The following FAM219A variants were observed in gnomAD, a reference collection of about 807,000 sequenced individuals.
The protein encoded by FAM219A is family with sequence similarity 219 member A, also known as protein FAM219A.
A neutral mutation model predicts 23.4 loss-of-function variants in FAM219A; 7 were observed. That is an observed-to-expected ratio of 0.30 (90% CI 0.17 to 0.56). The LOEUF (loss-of-function observed/expected upper bound fraction) is 0.56. Among genes scored for constraint, FAM219A ranks in the 20% least tolerant of loss-of-function variants. The probability of loss-of-function intolerance (pLI) is 0.92; values close to 1 mark genes in which losing one functional copy is unlikely to be tolerated. For synonymous variants in FAM219A, 93 were observed against 99.0 expected (o/e 0.94, Z 0.36); for missense variants, 166 against 246.9 (o/e 0.67, Z 2.20).
intron 1 of FAM219A, among the ~76,000 whole-genome samples, chr9:34,439,172 C>T (rs1020086873): frequency 3.9e-5 from 6 of 152,210 alleles, no homozygotes; most frequent in East Asian, 3.9e-4. Context: ...ACTCCGGACA[C>T]GCCGCCTTTA....
chr9:34,406,080 C>G (rs12337924), intron 1 of FAM219A, 116 bp from the exon 2 acceptor site: 1 of 1,104,682 alleles, frequency 9.1e-7, no homozygotes, highest in Non-Finnish European at 1.3e-6. Context: ...GCATTCACCC[C>G]TCAGAGCAGG....
intron 1 of FAM219A, among the ~76,000 whole-genome samples, chr9:34,420,237 C>T (rs1822213557): frequency 6.6e-6 from 1 of 152,166 alleles, no homozygotes; most frequent in African/African-American, 2.4e-5. Context: ...GCACACAGAT[C>T]AGCCTATTTA....
In FAM219A at chr9:34,401,010, C is replaced by G; in HGVS notation, c.512G>C (p.Cys171Ser). ...LIPPKSVNPT[C>S]MCCQATSSTA... ...GGAGGACGTGGCCTGGCAGCACATG[C>G]ACGTGGGGTTCACGGACTTGGGGGG... is the stretch of plus-strand genomic sequence containing the variant. The change falls in exon 6 of 6, where the codon TGC (cysteine) becomes TCC (serine). Residue 171 changes from cysteine (C) to serine (S), a missense_variant. Coordinates refer to ENST00000651358, the MANE Select transcript of FAM219A (RefSeq NM_001184940.2). The G allele has an allele frequency of 6.3e-7, 1 of 1,591,262 alleles. No individual in the cohort carries two copies. The highest frequency in any genetic ancestry group is 8.6e-7 in the Non-Finnish European group (1 of 1,166,396).
At position 34,400,991 on chromosome 9, in the gene FAM219A, C is replaced by T. The variant is rs1436705336; in HGVS notation, c.531G>A (p.Thr177=). The part of the protein sequence containing the change: ...VNPTCMCCQA[T]SSTACHIQ ...ACTGAATGTGGCAGGCGGTGGAGGA[C>T]GTGGCCTGGCAGCACATGCACGTGG... is the stretch of plus-strand genomic sequence containing the variant. The change falls in exon 6 of 6, where the codon ACG becomes ACA. Residue 177 remains threonine, a synonymous_variant. Coordinates refer to ENST00000651358, the MANE Select transcript of FAM219A (RefSeq NM_001184940.2). 2.2e-5 allele frequency: 34 copies of T among 1,564,234 alleles called. No individual in the cohort carries two copies. The highest frequency in any genetic ancestry group is 4.7e-5 in the South Asian group (4 of 84,940).
At chr9:34,437,179 ACT>A (rs149294812) in intron 1 of FAM219A, among the ~76,000 whole-genome samples, 1 of 151,420 alleles carries the variant, frequency 6.6e-6, no homozygotes, top group Non-Finnish European at 1.5e-5. Context: ...GACAAACACT[ACT>A]CTCTCTCTCT....
rs1463485125 is a variant in FAM219A, at chr9:34,405,763, T to A, written c.160+102A>T. On this transcript the variant is annotated intron_variant, in intron 2 of 5. Coordinates refer to ENST00000651358, the MANE Select transcript of FAM219A (RefSeq NM_001184940.2). ...TGACTTGAAGGCTTGAGTCTTGGAATCATCTAGGCTGAGCTGGTTTATTTG... is the reference window on the plus strand; with the variant it reads ...TGACTTGAAGGCTTGAGTCTTGGAAACATCTAGGCTGAGCTGGTTTATTTG... 8.8e-5 allele frequency: 102 copies of A among 1,154,304 alleles called. No homozygotes were observed. The Admixed American group carries it at 2.2e-3, about 24-fold the overall frequency. 71.5% of individuals were successfully genotyped at this position (1,154,304 alleles called of 1,614,324 possible).
intron 1 of FAM219A, among the ~76,000 whole-genome samples, chr9:34,436,904 T>C (rs1822943311): frequency 6.6e-6 from 1 of 152,266 alleles, no homozygotes; most frequent in Non-Finnish European, 1.5e-5. Flanking sequence ...CTTTGCAGCA[T>C]GCCTGGCATG....
intron 1 of FAM219A, among the ~76,000 whole-genome samples, chr9:34,407,531 A>G (rs1414209846): frequency 6.6e-6 from 1 of 152,176 alleles, no homozygotes; most frequent in Non-Finnish European, 1.5e-5. Context: ...GAAGTGTCTT[A>G]CGCAAAGTCA....
chr9:34,420,309 G>A (rs1822217821), intron 1 of FAM219A, among the ~76,000 whole-genome samples: 1 of 152,228 alleles, frequency 6.6e-6, no homozygotes, highest in African/African-American at 2.4e-5. Context: ...ACAGAGGAGA[G>A]CGATAATGGT....
At chr9:34,420,083 T>G (rs1383934054) in intron 1 of FAM219A, among the ~76,000 whole-genome samples, 2 of 152,218 alleles carry the variant, frequency 1.3e-5, no homozygotes, top group Non-Finnish European at 2.9e-5. Flanking sequence ...TCCCAATAAT[T>G]AAACATTGGT....
At chr9:34,405,629 TA>T (rs1464699580) in intron 2 of FAM219A, among the ~76,000 whole-genome samples, 1 of 152,208 alleles carries the variant, frequency 6.6e-6, no homozygotes, top group Non-Finnish European at 1.5e-5. Flanking sequence ...TGCCCCAGAA[TA>T]CCTGGAACGT....
At chr9:34,453,253 C>T (rs1382830454) in intron 1 of FAM219A, among the ~76,000 whole-genome samples, 1 of 152,148 alleles carries the variant, frequency 6.6e-6, no homozygotes, top group African/African-American at 2.4e-5. Flanking sequence ...ACAGTGGCTA[C>T]TTGCTATCTT....
Position 34,398,472 on chromosome 9 carries a change from C to A in FAM219A, c.*2492G>T. Reference sequence around the variant, plus strand: ...CCTCCCAGACAGGGAAGGAGGGAGCCACACCCCTCCCTAGACACAGAAGCT... The same window carrying A: ...CCTCCCAGACAGGGAAGGAGGGAGCAACACCCCTCCCTAGACACAGAAGCT... On this transcript the variant is annotated 3_prime_UTR_variant, in exon 6 of 6. Transcript: ENST00000651358. The A allele has an allele frequency of 8.3e-7, 1 of 1,202,198 alleles. No individual in the cohort carries two copies. Among genetic ancestry groups the A allele is most frequent in the South Asian group, 1.3e-5 (1 of 74,670 alleles). 74.5% of individuals were successfully genotyped at this position (1,202,198 alleles called of 1,614,324 possible). A position where few individuals can be genotyped will look rare whatever the true frequency, so the allele number is the denominator to read the frequency against.
Position 34,400,829 on chromosome 9 carries a change from T to C in FAM219A, c.*135A>G. Reference sequence around the variant, plus strand: ...CACGTCCTACCATAGGAGGAAGCAATGACTGTTATACGAGGTTGGCGGCTG... The same window carrying C: ...CACGTCCTACCATAGGAGGAAGCAACGACTGTTATACGAGGTTGGCGGCTG... On this transcript the variant is annotated 3_prime_UTR_variant, in exon 6 of 6. Transcript: ENST00000651358. The C allele has an allele frequency of 1.1e-6, 1 of 871,598 alleles. No individual in the cohort carries two copies. The highest frequency in any genetic ancestry group is 1.7e-6 in the Non-Finnish European group (1 of 604,970). The allele number at this position is 871,598 out of a possible 1,614,324, so 54.0% of individuals were successfully genotyped here.
At chr9:34,421,857 G>A (rs576458917) in intron 1 of FAM219A, among the ~76,000 whole-genome samples, 1 of 152,284 alleles carries the variant, frequency 6.6e-6, no homozygotes, top group African/African-American at 2.4e-5. Context: ...TTTAAATGCA[G>A]ATTCTGATTC....
chr9:34,413,134 T>G, intron 1 of FAM219A, among the ~76,000 whole-genome samples: 2 of 141,504 alleles, frequency 1.4e-5, no homozygotes, highest in Non-Finnish European at 3.0e-5. Context: ...TGGGAGGGAG[T>G]CTCCTTAACA....
chr9:34,418,443 G>A (rs1822117454), intron 1 of FAM219A, among the ~76,000 whole-genome samples: 1 of 152,178 alleles, frequency 6.6e-6, no homozygotes, highest in South Asian at 2.1e-4. Flanking sequence ...TATGGCTTGG[G>A]GGAAGCCTGT....
In FAM219A at chr9:34,430,636, C is replaced by CAAAAAAAAAAAAA. The variant is rs757627612; in HGVS notation, c.61-24685_61-24673dup. ...TGGGTGACAGAGCAAGACTCCGTCTCAAAAAAAAAAAAAAAAAAAAAGACA... is the reference window on the plus strand; with the variant it reads ...TGGGTGACAGAGCAAGACTCCGTCTCAAAAAAAAAAAAAAAAAAAAAAAAAAAAAAAAAAGACA... On this transcript the variant is annotated intron_variant, in intron 1 of 5. Transcript: ENST00000651358. 1.4e-4 allele frequency among the ~76,000 whole-genome samples: 8 copies of CAAAAAAAAAAAAA among 56,272 alleles called. No homozygotes were observed. The East Asian group carries it at 2.3e-3, about 16-fold the overall frequency. The allele number at this position is 56,272 out of a possible 152,430, so 36.9% of individuals were successfully genotyped here. A position where few individuals can be genotyped will look rare whatever the true frequency, so the allele number is the denominator to read the frequency against.
intron 1 of FAM219A, among the ~76,000 whole-genome samples, chr9:34,451,930 A>G (rs1424260574): frequency 6.6e-6 from 1 of 152,222 alleles, no homozygotes; most frequent in Admixed American, 6.5e-5. Flanking sequence ...TAATACATAT[A>G]TACATTCCAG....
Sources: gnomAD v4.1 joint callset for allele counts (sites outside exome capture counted in the v4.1 genomes callset) on GRCh38, gnomAD v4.1.1 for gene constraint, MANE v1.5 for transcripts, NCBI Gene and HGNC (gene_info 2026-07-23, HGNC 2026-07-21) for gene names.